DOCK10: variants seen among roughly 807,000 people sequenced by gnomAD.
DOCK10 encodes the protein dedicator of cytokinesis protein 10.
DOCK10 carries 145 observed loss-of-function variants against 280.1 expected under a neutral mutation model. That is an observed-to-expected ratio of 0.52 (90% confidence interval 0.45 to 0.59). The LOEUF is 0.59. Ranked by LOEUF, DOCK10 falls within the 20% of genes least tolerant of loss-of-function variation. The pLI is 0.00. For synonymous variants in DOCK10, 915 were observed against 942.2 expected (o/e 0.97, Z 0.53); for missense variants, 2,368 against 2,651.7 (o/e 0.89, Z 2.35).
At chr2:224,795,157 G>T (rs547339593) in intron 44 of DOCK10, 63 bp from the exon 45 acceptor site, 3 of 1,452,968 alleles carry the variant, frequency 2.1e-6, no homozygotes, top group Non-Finnish European at 2.9e-6. Flanking sequence ...CTGACTTTAA[G>T]TTATGCTATT....
chr2:224,976,190 C>A (rs905791407), intron 1 of DOCK10, among the ~76,000 whole-genome samples: 9 of 150,806 alleles, frequency 6.0e-5, no homozygotes, highest in Non-Finnish European at 4.4e-5. Flanking sequence ...ACAATGAGAA[C>A]ACATGGACAC....
At chr2:225,028,725 C>A (rs982936308) in intron 1 of DOCK10, among the ~76,000 whole-genome samples, 3 of 152,156 alleles carry the variant, frequency 2.0e-5, no homozygotes, top group Non-Finnish European at 4.4e-5. Flanking sequence ...TGTCAGCTTA[C>A]GAAAACAGCT....
At chr2:225,025,697 C>T (rs1208330301) in intron 1 of DOCK10, among the ~76,000 whole-genome samples, 1 of 151,276 alleles carries the variant, frequency 6.6e-6, no homozygotes, top group Admixed American at 6.6e-5. Context: ...CTCTTGTTTC[C>T]AAGGCTAGGT....
intron 3 of DOCK10, among the ~76,000 whole-genome samples, chr2:224,900,822 A>G (rs1324539946): frequency 1.3e-5 from 2 of 152,242 alleles, no homozygotes; most frequent in African/African-American, 4.8e-5. Flanking sequence ...TATAATTCAC[A>G]TTCACAACAG....
chr2:224,896,610 G>T (rs1559693526), intron 3 of DOCK10, among the ~76,000 whole-genome samples: 1 of 152,064 alleles, frequency 6.6e-6, no homozygotes, highest in Non-Finnish European at 1.5e-5. Context: ...CCACCTACTC[G>T]GGAGGCTGAG....
chr2:224,874,596 C>T, intron 9 of DOCK10, 70 bp downstream of exon 9: 1 of 1,437,016 alleles, frequency 7.0e-7, no homozygotes. Context: ...GCATTTACGT[C>T]TTTTCCATGA....
At chr2:224,865,905 A>ACT (rs1161177566) in intron 11 of DOCK10, among the ~76,000 whole-genome samples, 8 of 149,138 alleles carry the variant, frequency 5.4e-5, no homozygotes, top group Admixed American at 6.7e-5. Context: ...ATACACACAC[A>ACT]CTCTCTCTCT....
intron 7 of DOCK10, among the ~76,000 whole-genome samples, chr2:224,885,098 C>T (rs1420178620): frequency 6.6e-6 from 1 of 152,212 alleles, no homozygotes; most frequent in African/African-American, 2.4e-5. Context: ...CTCCTGGGTT[C>T]AAGTGATTCT....
At chr2:224,930,386 G>A (rs17271567) in intron 2 of DOCK10, among the ~76,000 whole-genome samples, 44,398 of 151,836 alleles carry the variant, frequency 0.29, 7,068 homozygotes, top group Middle Eastern at 0.36. Context: ...CTCTGCACGA[G>A]ATAAGTCTCT....
At chr2:224,942,849 TAA>T (rs201201508) in intron 1 of DOCK10, among the ~76,000 whole-genome samples, 2,999 of 152,290 alleles carry the variant, frequency 0.02, 94 homozygotes, top group African/African-American at 0.068. Context: ...TCCTGCAGAT[TAA>T]TGACCCATAA....
At chr2:224,816,791 T>A in intron 29 of DOCK10, 78 bp from the exon 30 acceptor site, 1 of 774,626 alleles carries the variant, frequency 1.3e-6, no homozygotes, top group South Asian at 1.7e-5. Context: ...AAATCTGCAC[T>A]TGAATCTTAT....
chr2:224,815,851 C>T (rs143333465), intron 30 of DOCK10, among the ~76,000 whole-genome samples: 192 of 152,198 alleles, frequency 1.3e-3, no homozygotes, highest in African/African-American at 4.1e-3. Flanking sequence ...GCCTGGCCAA[C>T]ATGGTGAAAC....
intron 7 of DOCK10, among the ~76,000 whole-genome samples, chr2:224,879,519 A>G (rs1698846816): frequency 6.6e-6 from 1 of 152,182 alleles, no homozygotes; most frequent in Non-Finnish European, 1.5e-5. Context: ...GCGCTTTAGG[A>G]GGCCAAGGCG....
intron 1 of DOCK10, among the ~76,000 whole-genome samples, chr2:224,967,844 A>G (rs1704866720): frequency 6.6e-6 from 1 of 152,076 alleles, no homozygotes; most frequent in Non-Finnish European, 1.5e-5. Flanking sequence ...AAATGTTTTC[A>G]ATTTTTATTT....
intron 50 of DOCK10, among the ~76,000 whole-genome samples, chr2:224,783,330 A>G (rs928467855): frequency 6.7e-6 from 1 of 149,616 alleles, no homozygotes; most frequent in Non-Finnish European, 1.5e-5. Context: ...GCTGGAGTGC[A>G]GTGGCACGAT....
At chr2:224,946,563 A>G (rs1185513077) in intron 1 of DOCK10, among the ~76,000 whole-genome samples, 1 of 152,222 alleles carries the variant, frequency 6.6e-6, no homozygotes, top group East Asian at 1.9e-4. Flanking sequence ...AATTTGTACC[A>G]TAATACTAAG....
chr2:224,912,207 A>C (rs1701055652), intron 3 of DOCK10, among the ~76,000 whole-genome samples: 1 of 151,372 alleles, frequency 6.6e-6, no homozygotes, highest in Non-Finnish European at 1.5e-5. Context: ...GCGATCTCAG[A>C]TCACTGCAAC....
chr2:224,884,306 G>A (rs1699149574), intron 7 of DOCK10, among the ~76,000 whole-genome samples: 1 of 152,164 alleles, frequency 6.6e-6, no homozygotes, highest in African/African-American at 2.4e-5. Context: ...ATATCCAAGG[G>A]CCTCCAGGAG....
In DOCK10 at chr2:224,819,517, A is replaced by G; in HGVS notation, c.3196T>C (p.Phe1066Leu). 6.2e-7 allele frequency: 1 copy of G among 1,604,876 alleles called. No homozygotes were observed. Among genetic ancestry groups the G allele is most frequent in the Non-Finnish European group, 8.5e-7 (1 of 1,175,904 alleles). ...TTAAACACATACCCTCGGTCCATAA[A>G]TGTAAAGCAGCGCTAAAATAGATAA... ...VARFLKRCFT[F>L]MDRGYVFKMV... The change falls in exon 29 of 56, where the codon TTT becomes CTT. Residue 1066 changes from phenylalanine to leucine, a missense_variant. Phe to Leu is a conservative substitution (Grantham distance 22). Coordinates refer to ENST00000258390, the MANE Select transcript of DOCK10 (RefSeq NM_014689.3).
Sources: gnomAD v4.1 joint callset for allele counts (sites outside exome capture counted in the v4.1 genomes callset) on GRCh38, gnomAD v4.1.1 for gene constraint, MANE v1.5 for transcripts, NCBI Gene and HGNC (gene_info 2026-07-23, HGNC 2026-07-21) for gene names.